The following RIMS2 variants were observed in gnomAD, a reference collection of about 807,000 sequenced individuals.
The protein encoded by RIMS2 is regulating synaptic membrane exocytosis 2, also known as regulating synaptic membrane exocytosis protein 2.
In RIMS2, 59 loss-of-function variants were observed where a neutral mutation model predicts 174.4. The ratio of observed to expected loss-of-function variants is 0.34; its 90% CI spans 0.27 to 0.42. RIMS2 has a LOEUF of 0.42. RIMS2 is among the 10% of genes least tolerant of loss of function. The probability of loss-of-function intolerance (pLI) is 1.00; values close to 1 mark genes in which losing one functional copy is unlikely to be tolerated. For synonymous variants in RIMS2, 606 were observed against 572.5 expected (o/e 1.06, Z -0.84); for missense variants, 1,620 against 1,666.3 (o/e 0.97, Z 0.48).
At chr8:104,226,508 G>A (rs768972890) in intron 19 of RIMS2, among the ~76,000 whole-genome samples, 6 of 152,190 alleles carry the variant, frequency 3.9e-5, no homozygotes, top group Non-Finnish European at 8.8e-5. Context: ...TGTGTTAGAA[G>A]CAATGAGTCT....
chr8:104,104,970 C>T (rs563975266), intron 19 of RIMS2, among the ~76,000 whole-genome samples: 5 of 151,846 alleles, frequency 3.3e-5, no homozygotes, highest in Non-Finnish European at 5.9e-5. Context: ...TATGACACAG[C>T]ATTGGAGTGA....
At chr8:103,851,452 T>C (rs1355177336) in intron 3 of RIMS2, among the ~76,000 whole-genome samples, 1 of 151,738 alleles carries the variant, frequency 6.6e-6, no homozygotes, top group Non-Finnish European at 1.5e-5. Context: ...AGAAAAATAA[T>C]ATAAATGAAA....
chr8:103,754,615 G>T (rs1206304223), intron 2 of RIMS2, among the ~76,000 whole-genome samples: 1 of 152,120 alleles, frequency 6.6e-6, no homozygotes, highest in Non-Finnish European at 1.5e-5. Context: ...GGGTGATCCT[G>T]TATTGAGTAT....
intron 1 of RIMS2, chr8:103,568,980 C>T (rs1673489411): frequency 3.5e-6 from 2 of 575,198 alleles, no homozygotes; most frequent in African/African-American, 3.8e-5. Context: ...GAGCTGATCA[C>T]CGTGTTCCTA....
At chr8:103,559,178 T>C (rs2091160831) in intron 1 of RIMS2, 3 of 192,530 alleles carry the variant, frequency 1.6e-5, no homozygotes, top group South Asian at 1.9e-4. Context: ...CTCCATCCTG[T>C]TCCTCACCAT....
intron 3 of RIMS2, among the ~76,000 whole-genome samples, chr8:103,873,059 A>G (rs2099120036): frequency 6.6e-6 from 1 of 152,186 alleles, no homozygotes; most frequent in African/African-American, 2.4e-5. Context: ...TGGGTGCACT[A>G]GAGCTGCTTT....
intron 1 of RIMS2, among the ~76,000 whole-genome samples, chr8:103,523,238 T>C (rs1832561770): frequency 6.6e-6 from 1 of 152,128 alleles, no homozygotes; most frequent in South Asian, 2.1e-4. Context: ...CATTCTGTGT[T>C]AATGCATTAC....
At chr8:104,101,386 C>G (rs1419691388) in intron 19 of RIMS2, among the ~76,000 whole-genome samples, 2 of 152,094 alleles carry the variant, frequency 1.3e-5, no homozygotes, top group African/African-American at 4.8e-5. Context: ...GCCTCGGCCT[C>G]CCAAAGTGCT....
In RIMS2 at chr8:104,078,330, G is replaced by A. The variant is rs934361808; in HGVS notation, c.3334+63715G>A. The stretch of plus-strand genomic sequence containing the variant: ...TGCTATAACAAAATACCATAGAAGG[G>A]GTGGCTTAAAGAACAGAAATGTATT... On this transcript the variant is annotated intron_variant, in intron 19 of 23. Coordinates refer to ENST00000504942, the Ensembl canonical transcript of RIMS2. 2.6e-5 allele frequency among the ~76,000 whole-genome samples: 4 copies of A among 152,108 alleles called. No individual in the cohort carries two copies. The East Asian group carries it at 7.7e-4, about 29-fold the overall frequency.
At chr8:103,615,608 G>A (rs1589088829) in intron 1 of RIMS2, among the ~76,000 whole-genome samples, 1 of 151,918 alleles carries the variant, frequency 6.6e-6, no homozygotes, top group South Asian at 2.1e-4. Flanking sequence ...TTTTTAAAAA[G>A]TTAATAAAAT....
At chr8:103,734,893 C>T (rs536803504) in intron 2 of RIMS2, among the ~76,000 whole-genome samples, 1 of 151,010 alleles carries the variant, frequency 6.6e-6, no homozygotes, top group Non-Finnish European at 1.5e-5. Flanking sequence ...GTTCTTCTCT[C>T]AGTTTTCTAA....
chr8:103,511,474 T>C (rs1285197408), intron 1 of RIMS2, among the ~76,000 whole-genome samples: 1 of 152,206 alleles, frequency 6.6e-6, no homozygotes, highest in Non-Finnish European at 1.5e-5. Context: ...TGGTTGAATA[T>C]CCATACTCTA....
At chr8:103,814,344 A>G (rs753885636) in intron 3 of RIMS2, among the ~76,000 whole-genome samples, 20 of 108,092 alleles carry the variant, frequency 1.9e-4, no homozygotes, top group African/African-American at 7.4e-4. Flanking sequence ...CAACTGTTTG[A>G]AAACCTCCAT....
intron 1 of RIMS2, among the ~76,000 whole-genome samples, chr8:103,686,617 T>TA (rs1284444781): frequency 6.6e-6 from 1 of 152,222 alleles, no homozygotes; most frequent in African/African-American, 2.4e-5. Context: ...GTTCCAAACT[T>TA]ACATTCCTAA....
At chr8:103,529,383 G>A (rs1835821427) in intron 1 of RIMS2, among the ~76,000 whole-genome samples, 1 of 152,164 alleles carries the variant, frequency 6.6e-6, no homozygotes, top group Non-Finnish European at 1.5e-5. Flanking sequence ...AGACTGCTGT[G>A]CTAGCAATGA....
intron 3 of RIMS2, among the ~76,000 whole-genome samples, chr8:103,809,954 G>C (rs1241431443): frequency 6.6e-6 from 1 of 152,206 alleles, no homozygotes; most frequent in African/African-American, 2.4e-5. Flanking sequence ...TGATGAAGCA[G>C]AAGGCATTTG....
At chr8:104,006,479 G>T (rs557573656) in intron 17 of RIMS2, among the ~76,000 whole-genome samples, 2 of 152,232 alleles carry the variant, frequency 1.3e-5, no homozygotes, top group Non-Finnish European at 2.9e-5. Flanking sequence ...GAACCTGGGA[G>T]GTGGAGGTTG....
At chr8:104,019,323 T>C (rs1488853573) in intron 19 of RIMS2, among the ~76,000 whole-genome samples, 1 of 152,236 alleles carries the variant, frequency 6.6e-6, no homozygotes, top group Non-Finnish European at 1.5e-5. Flanking sequence ...TCAAGTTTAA[T>C]TGTAACTTTC....
At chr8:103,632,500 A>C (rs2095954937) in intron 1 of RIMS2, among the ~76,000 whole-genome samples, 1 of 151,242 alleles carries the variant, frequency 6.6e-6, no homozygotes, top group Non-Finnish European at 1.5e-5. Context: ...GGCTCACTGC[A>C]GCCTCTGCCA....
Sources: gnomAD v4.1 joint callset for allele counts (sites outside exome capture counted in the v4.1 genomes callset) on GRCh38, gnomAD v4.1.1 for gene constraint, MANE v1.5 for transcripts, NCBI Gene and HGNC (gene_info 2026-07-23, HGNC 2026-07-21) for gene names.